ARHGAP24: variants seen among roughly 807,000 people sequenced by gnomAD.
ARHGAP24 encodes the protein Rho GTPase activating protein 24, also known as rho GTPase-activating protein 24.
Under a neutral mutation model 76.4 loss-of-function variants are expected in ARHGAP24, and 50 were observed. That is an observed-to-expected ratio of 0.65 (90% CI 0.52 to 0.83). The LOEUF (loss-of-function observed/expected upper bound fraction) is 0.83, where lower values mean the gene tolerates loss of function less well. ARHGAP24 is among the 40% of genes least tolerant of loss of function. The pLI, the probability that ARHGAP24 is intolerant of heterozygous loss-of-function variation, is 0.00. For synonymous variants in ARHGAP24, 345 were observed against 323.3 expected (o/e 1.07, Z -0.72); for missense variants, 930 against 914.2 (o/e 1.02, Z -0.22).
chr4:85,842,607 GAATTC>G (rs1348760204), intron 3 of ARHGAP24, among the ~76,000 whole-genome samples: 2 of 152,222 alleles, frequency 1.3e-5, no homozygotes, highest in East Asian at 3.8e-4. Context: ...CCGTGGTCAT[GAATTC>G]GGCTTATTGA....
chr4:85,748,276 T>C (rs1726128570), intron 3 of ARHGAP24, among the ~76,000 whole-genome samples: 1 of 152,240 alleles, frequency 6.6e-6, no homozygotes, highest in African/African-American at 2.4e-5. Context: ...ATGGTATTAA[T>C]AGCTCTTAAA....
chr4:85,865,874 A>T (rs1476259468), intron 3 of ARHGAP24, among the ~76,000 whole-genome samples: 2 of 152,046 alleles, frequency 1.3e-5, no homozygotes, highest in Non-Finnish European at 2.9e-5. Context: ...TATTCCCTGT[A>T]TATAGTTCTA....
chr4:85,704,574 A>G (rs1724225112), intron 2 of ARHGAP24, among the ~76,000 whole-genome samples: 1 of 152,220 alleles, frequency 6.6e-6, no homozygotes, highest in South Asian at 2.1e-4. Context: ...TTTACTGGAT[A>G]TAAGACGATG....
intron 3 of ARHGAP24, among the ~76,000 whole-genome samples, chr4:85,763,467 CCAA>C (rs35320099): frequency 0.41 from 61,948 of 151,612 alleles, 13,939 homozygotes; most frequent in East Asian, 0.91. Context: ...GGAACACCTA[CCAA>C]CAACAAGAGG....
At chr4:85,701,752 G>A (rs955424767) in intron 2 of ARHGAP24, among the ~76,000 whole-genome samples, 16 of 151,950 alleles carry the variant, frequency 1.1e-4, no homozygotes, top group Non-Finnish European at 4.4e-5. Context: ...TCTTACATTA[G>A]CACAAAGTAT....
intron 3 of ARHGAP24, among the ~76,000 whole-genome samples, chr4:85,786,201 T>C (rs1231993146): frequency 6.6e-6 from 1 of 151,666 alleles, no homozygotes; most frequent in African/African-American, 2.4e-5. Flanking sequence ...AATAATCACA[T>C]AGCAACTCTA....
At chr4:85,941,772 CA>C (rs1471191194) in intron 4 of ARHGAP24, among the ~76,000 whole-genome samples, 1 of 152,160 alleles carries the variant, frequency 6.6e-6, no homozygotes, top group East Asian at 1.9e-4. Flanking sequence ...ACCCCAAACT[CA>C]AGTTACATTT....
At chr4:85,954,274 G>A (rs147023929) in intron 5 of ARHGAP24, among the ~76,000 whole-genome samples, 27 of 152,278 alleles carry the variant, frequency 1.8e-4, no homozygotes, top group Middle Eastern at 6.8e-3. Context: ...CCTTGTGCTG[G>A]ATACTATCCT....
In ARHGAP24 at chr4:85,887,966, A is replaced by G. The variant is rs188550820; in HGVS notation, c.269-35682A>G. On this transcript the variant is annotated intron_variant, in intron 3 of 9. Transcript: ENST00000395184. Reference sequence around the variant, plus strand: ...AGCTGGCATTTTCTGAAGAGAGAACATCCTGGGTCATATATAAATCAATGT... The same window carrying G: ...AGCTGGCATTTTCTGAAGAGAGAACGTCCTGGGTCATATATAAATCAATGT... 4.4e-3 allele frequency among the ~76,000 whole-genome samples: 666 copies of G among 152,314 alleles called. 9 individuals carry two copies. Among genetic ancestry groups the G allele is most frequent in the South Asian group, 5.6e-3 (27 of 4,828 alleles).
At chr4:85,781,112 A>G (rs141036260) in intron 3 of ARHGAP24, among the ~76,000 whole-genome samples, 5 of 152,254 alleles carry the variant, frequency 3.3e-5, no homozygotes, top group African/African-American at 1.2e-4. Context: ...GGTTTATTCA[A>G]TTCTTCTGTG....
intron 5 of ARHGAP24, among the ~76,000 whole-genome samples, chr4:85,959,919 C>A (rs963667211): frequency 2.0e-5 from 3 of 152,018 alleles, no homozygotes; most frequent in Non-Finnish European, 4.4e-5. Context: ...GATGTTCAAC[C>A]TTTTTTTCAT....
intron 2 of ARHGAP24, among the ~76,000 whole-genome samples, chr4:85,655,281 A>T (rs1578113223): frequency 6.6e-6 from 1 of 152,328 alleles, no homozygotes; most frequent in East Asian, 1.9e-4. Flanking sequence ...CTGGAATCTG[A>T]TAAACATTTA....
chr4:85,736,491 A>G (rs1725612479), intron 3 of ARHGAP24, among the ~76,000 whole-genome samples: 1 of 152,216 alleles, frequency 6.6e-6, no homozygotes, highest in Non-Finnish European at 1.5e-5. Flanking sequence ...CTGTGATTCA[A>G]TTCGAATCCA....
intron 2 of ARHGAP24, among the ~76,000 whole-genome samples, chr4:85,702,885 G>T (rs1258603409): frequency 1.3e-5 from 2 of 151,874 alleles, no homozygotes; most frequent in Non-Finnish European, 2.9e-5. Flanking sequence ...AGGGGTCTGA[G>T]AAATACAAAA....
chr4:85,877,148 T>C (rs1193366563), intron 3 of ARHGAP24, among the ~76,000 whole-genome samples: 1 of 152,192 alleles, frequency 6.6e-6, no homozygotes, highest in African/African-American at 2.4e-5. Context: ...ATGGGGTAGC[T>C]CTTTAAAAAT....
At chr4:85,573,610 T>G (rs1014244420) in intron 2 of ARHGAP24, among the ~76,000 whole-genome samples, 1 of 152,206 alleles carries the variant, frequency 6.6e-6, no homozygotes, top group Non-Finnish European at 1.5e-5. Flanking sequence ...CAGTGATATA[T>G]TGTAGAATAT....
chr4:85,476,752 A>G (rs565031557), intron 1 of ARHGAP24, among the ~76,000 whole-genome samples: 1 of 152,332 alleles, frequency 6.6e-6, no homozygotes, highest in South Asian at 2.1e-4. Flanking sequence ...TGAACTGGGC[A>G]TTGTAAAATA....
chr4:85,994,682 T>G lies in ARHGAP24; in HGVS notation c.1028T>G (p.Val343Gly). The G allele has an allele frequency of 6.2e-7, 1 of 1,613,718 alleles. No homozygotes were observed. Among genetic ancestry groups the G allele is most frequent in the Non-Finnish European group, 8.5e-7 (1 of 1,179,936 alleles). ...AELQSKPQDG[V>G]SNNNEIQKKA... The stretch of plus-strand genomic sequence containing the variant: ...CTACAAAGCAAGCCCCAAGATGGAG[T>G]GAGCAACAACAATGAAATTCAGAAG... The change falls in exon 9 of 10, where the codon GTG (valine) becomes GGG (glycine). Residue 343 changes from valine to glycine, a missense_variant. Coordinates refer to ENST00000395184, the MANE Select transcript of ARHGAP24 (RefSeq NM_001025616.3).
rs1560504514 is a variant in ARHGAP24, at chr4:85,485,379, ATATATATAT to A, written c.-21+9821_-21+9829del. ...AAAAAAAAAAAAAAAAAAAAAAAAT[ATATATATAT>A]ATATATATATATATATATATATATA... On this transcript the variant is annotated intron_variant, in intron 1 of 9. Transcript: ENST00000395184. 7.1e-3 allele frequency among the ~76,000 whole-genome samples: 143 copies of A among 20,038 alleles called. 2 individuals carry two copies. The highest frequency in any genetic ancestry group is 0.018 in the African/African-American group (83 of 4,598). The allele number at this position is 20,038 out of a possible 152,430, so 13.1% of individuals were successfully genotyped here. A position where few individuals can be genotyped will look rare whatever the true frequency, so the allele number is the denominator to read the frequency against.
Sources: gnomAD v4.1 joint callset for allele counts (sites outside exome capture counted in the v4.1 genomes callset) on GRCh38, gnomAD v4.1.1 for gene constraint, MANE v1.5 for transcripts, NCBI Gene and HGNC (gene_info 2026-07-23, HGNC 2026-07-21) for gene names.